KCNJ16: variants seen among roughly 807,000 people sequenced by gnomAD.
KCNJ16 encodes inward rectifier potassium channel 16.
In KCNJ16, 15 loss-of-function variants were observed where a neutral mutation model predicts 18.5. That is an observed-to-expected ratio of 0.81 (90% CI 0.54 to 1.25). KCNJ16 has a LOEUF of 1.25. Among genes scored for constraint, KCNJ16 ranks in the 50% most tolerant of loss-of-function variants. The probability of loss-of-function intolerance (pLI) is 0.00; values close to 1 mark genes in which losing one functional copy is unlikely to be tolerated. For missense variants in KCNJ16, 523 were observed against 525.7 expected, an observed-to-expected ratio of 0.99 and a Z score of 0.05; for synonymous variants, 174 against 186.5, an observed-to-expected ratio of 0.93 and a Z score of 0.55.
rs1198076849 is a variant in KCNJ16, at chr17:70,130,983, C to A, written c.-94+8C>A. Reference sequence around the variant, plus strand: ...CCATGGATGCTAAAAATGGTAAGAGCTGCATGTTCTGCCTTGATGTTTTCA... The same window carrying A: ...CCATGGATGCTAAAAATGGTAAGAGATGCATGTTCTGCCTTGATGTTTTCA... On this transcript the variant is annotated splice_region_variant and intron_variant, in intron 3 of 3. Transcript: ENST00000392671. 1 of 1,535,132 alleles carries A rather than the reference C, an allele frequency of 6.5e-7. No individual in the cohort carries two copies. Among genetic ancestry groups the A allele is most frequent in the Non-Finnish European group, 8.7e-7 (1 of 1,146,150 alleles).
chr17:70,109,353 A>G (rs921843702), intron 2 of KCNJ16, among the ~76,000 whole-genome samples: 3 of 152,164 alleles, frequency 2.0e-5, no homozygotes, highest in African/African-American at 7.2e-5. Context: ...AATGCCTGGC[A>G]TGTAAGAAGT....
intron 2 of KCNJ16, among the ~76,000 whole-genome samples, chr17:70,117,796 C>T (rs1043808129): frequency 2.0e-5 from 3 of 152,178 alleles, no homozygotes; most frequent in East Asian, 1.9e-4. Context: ...GTAAATAAGA[C>T]AAGCATGGCC....
chr17:70,112,529 T>C (rs1236500737), intron 2 of KCNJ16, among the ~76,000 whole-genome samples: 8 of 152,110 alleles, frequency 5.3e-5, no homozygotes, highest in Non-Finnish European at 5.9e-5. Context: ...TGTTGGTTTA[T>C]AGTATAATCC....
intron 2 of KCNJ16, among the ~76,000 whole-genome samples, chr17:70,124,957 G>A (rs1357570816): frequency 6.6e-6 from 1 of 151,866 alleles, no homozygotes. Context: ...CTCCCATGTA[G>A]TGATGGTTGT....
intron 1 of KCNJ16, among the ~76,000 whole-genome samples, chr17:70,099,550 A>G (rs1194210248): frequency 2.0e-5 from 3 of 152,192 alleles, no homozygotes; most frequent in African/African-American, 7.2e-5. Flanking sequence ...AAAACAGTCA[A>G]GTAGAGACGG....
chr17:70,134,927 TTTC>T lies in KCNJ16; in HGVS notation c.*1586_*1588del, dbSNP rs1445700403. The T allele has an allele frequency of 6.0e-6, 1 of 166,524 alleles. No homozygotes were observed. Among genetic ancestry groups the T allele is most frequent in the Admixed American group, 6.6e-5 (1 of 15,258 alleles). The allele number at this position is 166,524 out of a possible 1,614,324, so 10.3% of individuals were successfully genotyped here. ...GTAGATAGAGTGCCTTTCTGTTTCT[TTTC>T]TTTTCTTTTTTCTTTTTTTGTTCTT... is the stretch of plus-strand genomic sequence containing the variant. On this transcript the variant is annotated 3_prime_UTR_variant, in exon 4 of 4. Coordinates refer to ENST00000392671, the MANE Select transcript of KCNJ16 (RefSeq NM_170741.4).
intron 2 of KCNJ16, among the ~76,000 whole-genome samples, chr17:70,110,393 C>G (rs1165881371): frequency 1.3e-5 from 2 of 152,060 alleles, no homozygotes; most frequent in African/African-American, 4.8e-5. Flanking sequence ...ACAGTGATTT[C>G]ACAGACAACC....
At chr17:70,092,408 G>A (rs1245982541) in intron 1 of KCNJ16, among the ~76,000 whole-genome samples, 1 of 151,994 alleles carries the variant, frequency 6.6e-6, no homozygotes, top group South Asian at 2.1e-4. Flanking sequence ...TATGTAAGAG[G>A]CAGTTGGTTT....
At chr17:70,086,307 A>G (rs1196587023) in intron 1 of KCNJ16, among the ~76,000 whole-genome samples, 1 of 152,192 alleles carries the variant, frequency 6.6e-6, no homozygotes, top group Non-Finnish European at 1.5e-5. Flanking sequence ...TTTGCCATTT[A>G]TTGCATAGTA....
intron 1 of KCNJ16, among the ~76,000 whole-genome samples, chr17:70,089,009 T>C (rs2071965315): frequency 6.6e-6 from 1 of 152,236 alleles, no homozygotes; most frequent in African/African-American, 2.4e-5. Flanking sequence ...AGGTTTTTAG[T>C]CTCGTTTCCA....
intron 2 of KCNJ16, among the ~76,000 whole-genome samples, chr17:70,119,115 T>C (rs1027464565): frequency 2.6e-5 from 4 of 152,216 alleles, no homozygotes; most frequent in African/African-American, 9.6e-5. Flanking sequence ...AAAATCTTAA[T>C]GCTCCAAAAT....
chr17:70,119,229 T>C (rs1447806956), intron 2 of KCNJ16, among the ~76,000 whole-genome samples: 1 of 152,232 alleles, frequency 6.6e-6, no homozygotes, highest in East Asian at 1.9e-4. Context: ...CAGGGTTTAG[T>C]CCCTGAGACT....
chr17:70,102,708 C>T (rs929048807), intron 2 of KCNJ16, among the ~76,000 whole-genome samples: 1 of 152,066 alleles, frequency 6.6e-6, no homozygotes, highest in Admixed American at 6.6e-5. Context: ...ATTTTTCTAC[C>T]CCATTTGACA....
At chr17:70,086,150 T>A (rs547629240) in intron 1 of KCNJ16, among the ~76,000 whole-genome samples, 50 of 152,284 alleles carry the variant, frequency 3.3e-4, no homozygotes, top group Middle Eastern at 3.4e-3. Flanking sequence ...ATACAAATAT[T>A]GATTTGTTAG....
intron 1 of KCNJ16, among the ~76,000 whole-genome samples, chr17:70,083,818 C>CT (rs1386538840): frequency 6.6e-6 from 1 of 152,058 alleles, no homozygotes; most frequent in African/African-American, 2.4e-5. Flanking sequence ...GCACTGGAGT[C>CT]TAAAGTTGTA....
chr17:70,125,096 T>G (rs888487321), intron 2 of KCNJ16, among the ~76,000 whole-genome samples: 2 of 151,810 alleles, frequency 1.3e-5, no homozygotes, highest in African/African-American at 4.8e-5. Flanking sequence ...CGGGACCCTA[T>G]CTCTAAAAAT....
At chr17:70,116,996 G>A (rs1332760421) in intron 2 of KCNJ16, among the ~76,000 whole-genome samples, 1 of 152,132 alleles carries the variant, frequency 6.6e-6, no homozygotes, top group Admixed American at 6.6e-5. Flanking sequence ...AAAGTCTCAT[G>A]CACTCACATG....
intron 1 of KCNJ16, among the ~76,000 whole-genome samples, chr17:70,094,182 A>G (rs949975200): frequency 3.9e-5 from 6 of 152,192 alleles, no homozygotes; most frequent in African/African-American, 1.4e-4. Context: ...TCACAGCCTA[A>G]AGAGAAATAA....
intron 1 of KCNJ16, among the ~76,000 whole-genome samples, chr17:70,079,272 C>A (rs1202083600): frequency 6.6e-6 from 1 of 152,190 alleles, no homozygotes; most frequent in Non-Finnish European, 1.5e-5. Context: ...TGAAGCAGAA[C>A]TCCTTTCCCA....
Sources: allele counts gnomAD v4.1 joint callset (sites outside exome capture counted in the v4.1 genomes callset), GRCh38; gene constraint gnomAD v4.1.1; transcripts MANE v1.5; gene names NCBI Gene and HGNC (gene_info 2026-07-23, HGNC 2026-07-21).